Variants in ERC2 observed in about 807,000 individuals in gnomAD.
The protein encoded by ERC2 is ERC protein 2.
A neutral mutation model predicts 114.8 loss-of-function variants in ERC2; 42 were observed. The ratio of observed to expected loss-of-function variants is 0.37; its 90% CI spans 0.29 to 0.47. The LOEUF is 0.47. Among genes scored for constraint, ERC2 ranks in the 20% least tolerant of loss-of-function variants. The probability of loss-of-function intolerance (pLI) is 0.99; values close to 1 mark genes in which losing one functional copy is unlikely to be tolerated. For missense variants in ERC2, 939 were observed against 1,150.7 expected, an observed-to-expected ratio of 0.82 and a Z score of 2.66; for synonymous variants, 454 against 425.5, an observed-to-expected ratio of 1.07 and a Z score of -0.82.
chr3:56,369,626 A>T (rs1287260907), intron 2 of ERC2, among the ~76,000 whole-genome samples: 1 of 152,174 alleles, frequency 6.6e-6, no homozygotes, highest in Non-Finnish European at 1.5e-5. Context: ...ACTTTGTGTC[A>T]TAAATAAATA....
rs572225781 is a variant in ERC2 at position 56,453,603 on chromosome 3, A to G, written c.-141+14645T>C. ...CAAACTAGGAAATATCATCCATTCC[A>G]TGACAGAATATCTTCTGTTAGGTCT... On this transcript the variant is annotated intron_variant, in intron 1 of 17. Transcript: ENST00000288221. Among the ~76,000 whole-genome samples the G allele has an allele frequency of 1.1e-4, 16 of 152,344 alleles. No individual in the cohort carries two copies. The South Asian group carries it at 2.7e-3, about 26-fold the overall frequency.
intron 16 of ERC2, 28 bp downstream of exon 16, chr3:55,699,350 C>T: frequency 6.2e-7 from 1 of 1,612,936 alleles, no homozygotes; most frequent in Non-Finnish European, 8.5e-7. Flanking sequence ...TAAAAGGGGT[C>T]TTGGAGGTAA....
intron 17 of ERC2, among the ~76,000 whole-genome samples, chr3:55,542,410 G>A (rs562282700): frequency 6.6e-6 from 1 of 152,284 alleles, no homozygotes; most frequent in Admixed American, 6.5e-5. Context: ...TATTGGTTAA[G>A]CCAGCCTTGG....
intron 4 of ERC2, among the ~76,000 whole-genome samples, chr3:56,163,814 A>G (rs1355725268): frequency 6.6e-6 from 1 of 152,038 alleles, no homozygotes; most frequent in East Asian, 1.9e-4. Flanking sequence ...TTGTCTTTTG[A>G]TCCAACTTTT....
At chr3:56,138,624 T>C (rs970081505) in intron 6 of ERC2, among the ~76,000 whole-genome samples, 1 of 152,192 alleles carries the variant, frequency 6.6e-6, no homozygotes, top group African/African-American at 2.4e-5. Flanking sequence ...GATGCTAAAA[T>C]ATATACATGC....
At chr3:55,959,840 G>A (rs546394406) in intron 12 of ERC2, among the ~76,000 whole-genome samples, 11 of 152,262 alleles carry the variant, frequency 7.2e-5, no homozygotes, top group Admixed American at 2.6e-4. Context: ...TATATGCTCC[G>A]GATTCCTGGT....
Position 55,878,351 on chromosome 3 carries a change from GAAGCCAACTTCAA to G in ERC2, c.2564+10025_2564+10037del, listed in dbSNP as rs558311876. 9.2e-5 allele frequency among the ~76,000 whole-genome samples: 14 copies of G among 152,176 alleles called. No homozygotes were observed. The East Asian group carries it at 1.9e-3, about 21-fold the overall frequency. On this transcript the variant is annotated intron_variant, in intron 14 of 17. Transcript: ENST00000288221. Reference sequence around the variant, plus strand: ...GTCCCTTATTTTGTTTTAAGATAAGGAAGCCAACTTCAAAGGCCTTCTCCAACTAGTTCTCCTC... The same window carrying G: ...GTCCCTTATTTTGTTTTAAGATAAGGAGGCCTTCTCCAACTAGTTCTCCTC...
chr3:55,897,371 T>C (rs2063893808), intron 13 of ERC2, among the ~76,000 whole-genome samples: 1 of 152,240 alleles, frequency 6.6e-6, no homozygotes, highest in South Asian at 2.1e-4. Flanking sequence ...GTGTGTATTT[T>C]CTGTTAATGA....
At chr3:56,206,202 T>C (rs113668819) in intron 3 of ERC2, among the ~76,000 whole-genome samples, 4,940 of 141,892 alleles carry the variant, frequency 0.035, 266 homozygotes, top group African/African-American at 0.11. Flanking sequence ...CACACACACA[T>C]ACACACACAC....
intron 6 of ERC2, among the ~76,000 whole-genome samples, chr3:56,086,616 G>C (rs1198530672): frequency 6.6e-6 from 1 of 151,686 alleles, no homozygotes; most frequent in Non-Finnish European, 1.5e-5. Flanking sequence ...CTTCCACATG[G>C]TGCAAAACCA....
At chr3:55,915,310 G>A (rs972527050) in intron 13 of ERC2, among the ~76,000 whole-genome samples, 2 of 151,886 alleles carry the variant, frequency 1.3e-5, no homozygotes, top group South Asian at 2.1e-4. Flanking sequence ...TACAGAAGAC[G>A]TTTCCATAGA....
chr3:55,832,076 C>CTTTTTACTTAAGTTTTG (rs2060628075), intron 14 of ERC2, among the ~76,000 whole-genome samples: 1 of 152,234 alleles, frequency 6.6e-6, no homozygotes, highest in African/African-American at 2.4e-5. Context: ...ATTGCCCAGG[C>CTTTTTACTTAAGTTTTG]TTACTTAGGT....
At position 55,820,391 on chromosome 3, in the gene ERC2, A is replaced by G. The variant is rs139672249; in HGVS notation, c.2564+67998T>C. ...TAGAACAAAAAAAGCAAAGCAACTC[A>G]GTGAAAATAAATTATTATTAACTTT... On this transcript the variant is annotated intron_variant, in intron 14 of 17. Transcript: ENST00000288221. Among the ~76,000 whole-genome samples the G allele has an allele frequency of 3.1e-3, 465 of 152,346 alleles. 2 individuals are homozygous for G. The highest frequency in any genetic ancestry group is 0.011 in the African/African-American group (442 of 41,582).
chr3:56,283,345 T>G (rs578028415), intron 3 of ERC2, among the ~76,000 whole-genome samples: 43 of 152,226 alleles, frequency 2.8e-4, no homozygotes, highest in Middle Eastern at 3.4e-3. Context: ...AAGAGTCATT[T>G]CTCGGCCGGG....
Position 55,836,290 on chromosome 3 carries a change from T to G in ERC2, c.2564+52099A>C, listed in dbSNP as rs189804068. Among the ~76,000 whole-genome samples, 1,044 of 152,230 alleles carry G rather than the reference T, an allele frequency of 6.9e-3. 9 individuals are homozygous for G. Among genetic ancestry groups the G allele is most frequent in the African/African-American group, 0.024 (1,001 of 41,514 alleles). On this transcript the variant is annotated intron_variant, in intron 14 of 17. Transcript: ENST00000288221. ...CATGGAACCAAAAAACAGCCCGCAT[T>G]GCCAAGTCAATCCTAAGCCAAAAGA...
rs534200758 is a variant in ERC2 at position 55,515,763 on chromosome 3, G to A, written c.*40-4487C>T. On this transcript the variant is annotated intron_variant, in intron 17 of 17. Coordinates refer to ENST00000288221, the MANE Select transcript of ERC2 (RefSeq NM_015576.3). The stretch of plus-strand genomic sequence containing the variant: ...ATTCCGCCCCAGGACAGACGCCCCA[G>A]GGAGAGCAGGCTATAAACGTGTGGT... Among the ~76,000 whole-genome samples, 8 of 152,166 alleles carry A rather than the reference G, an allele frequency of 5.3e-5. No homozygotes were observed. In the South Asian group the frequency reaches 1.7e-3, roughly 32 times the overall value.
At chr3:56,338,168 G>T (rs577667319) in intron 2 of ERC2, among the ~76,000 whole-genome samples, 7 of 152,260 alleles carry the variant, frequency 4.6e-5, no homozygotes, top group Non-Finnish European at 7.4e-5. Flanking sequence ...GGGAGGTAGG[G>T]GGTTGTGACA....
chr3:56,218,485 G>A (rs1481584451), intron 3 of ERC2, among the ~76,000 whole-genome samples: 1 of 152,110 alleles, frequency 6.6e-6, no homozygotes, highest in Non-Finnish European at 1.5e-5. Context: ...AAAAGTCAGG[G>A]AACAACAGGT....
intron 7 of ERC2, among the ~76,000 whole-genome samples, chr3:56,078,395 T>A (rs1024128161): frequency 1.3e-5 from 2 of 152,220 alleles, no homozygotes; most frequent in African/African-American, 2.4e-5. Flanking sequence ...TGTACATGAA[T>A]GTACCATTTA....
Sources: allele counts gnomAD v4.1 joint callset (sites outside exome capture counted in the v4.1 genomes callset), GRCh38; gene constraint gnomAD v4.1.1; transcripts MANE v1.5; gene names NCBI Gene and HGNC (gene_info 2026-07-23, HGNC 2026-07-21).